SCART1: variants seen among roughly 807,000 people sequenced by gnomAD.
SCART1 encodes scavenger receptor family member expressed on T cells 1, also known as scavenger receptor cysteine-rich domain-containing protein SCART1.
A neutral mutation model predicts 36.2 loss-of-function variants in SCART1; 62 were observed. The ratio of observed to expected loss-of-function variants is 1.71; its 90% confidence interval spans 1.40 to 2.12. The LOEUF (loss-of-function observed/expected upper bound fraction) is 2.12. Among genes scored for constraint, SCART1 ranks in the 30% most tolerant of loss-of-function variants. The pLI, the probability that SCART1 is intolerant of heterozygous loss-of-function variation, is 0.00. For synonymous variants in SCART1, 487 were observed against 238.7 expected, an observed-to-expected ratio of 2.04 and a Z score of -9.59; for missense variants, 1,041 against 540.5, an observed-to-expected ratio of 1.93 and a Z score of -9.18.
exon 4 of SCART1, chr10:133,458,649 G>A (rs1259262716): frequency 4.3e-6 from 3 of 700,420 alleles, no homozygotes; most frequent in Admixed American, 4.0e-5. Context: ...CGGGGCTCAG[G>A]TGCTCAGGTG....
intron 6 of SCART1, among the ~76,000 whole-genome samples, chr10:133,460,605 C>T (rs549191688): frequency 1.3e-4 from 19 of 150,528 alleles, no homozygotes; most frequent in East Asian, 7.9e-4. Flanking sequence ...GCCCCATCAC[C>T]GGTCACCGCA....
At chr10:133,455,833 T>A (rs1035706326) in intron 1 of SCART1, among the ~76,000 whole-genome samples, 1 of 150,994 alleles carries the variant, frequency 6.6e-6, no homozygotes, top group African/African-American at 2.4e-5. Flanking sequence ...CTCCAAGGGG[T>A]GTGGACAGTC....
exon 5 of SCART1, chr10:133,459,261 G>A: frequency 1.5e-6 from 1 of 675,294 alleles, no homozygotes; most frequent in Non-Finnish European, 2.7e-6. Flanking sequence ...TTGTGGAATT[G>A]CCCAGTAAGC....
At chr10:133,456,976 G>C (rs1850624322) in intron 2 of SCART1, 1 of 520,112 alleles carries the variant, frequency 1.9e-6, no homozygotes, top group Admixed American at 3.8e-5. Context: ...TTATGTGGCT[G>C]TGAGGACCCC....
exon 2 of SCART1, chr10:133,456,391 C>G: frequency 1.4e-6 from 1 of 702,890 alleles, no homozygotes; most frequent in East Asian, 2.7e-5. Flanking sequence ...GCGGCCCTGC[C>G]GTGGGCGCCC....
At chr10:133,459,571 G>A in exon 6 of SCART1, 1 of 679,100 alleles carries the variant, frequency 1.5e-6, no homozygotes, top group Non-Finnish European at 2.7e-6. Context: ...GTGTGGGGCC[G>A]CGTCCTGGAC....
At chr10:133,458,433 C>T (rs563985839) in exon 4 of SCART1, 7 of 700,670 alleles carry the variant, frequency 1.0e-5, no homozygotes, top group South Asian at 4.4e-5. Flanking sequence ...GGGGCACCGT[C>T]TGTGATGCGG....
At chr10:133,456,870 A>T (rs962025753) in intron 2 of SCART1, among the ~76,000 whole-genome samples, 1 of 152,176 alleles carries the variant, frequency 6.6e-6, no homozygotes, top group Non-Finnish European at 1.5e-5. Context: ...TGAGGCCCAC[A>T]CAGGTAGCTG....
chr10:133,455,860 T>C (rs1589933055), intron 1 of SCART1, among the ~76,000 whole-genome samples: 2 of 151,536 alleles, frequency 1.3e-5, no homozygotes, highest in Admixed American at 1.3e-4. Context: ...GTGGGGCAGG[T>C]GTGACAGTGG....
intron 3 of SCART1, 78 bp downstream of exon 3, chr10:133,457,653 G>A (rs61668064): frequency 1.3e-5 from 8 of 599,280 alleles, no homozygotes; most frequent in Admixed American, 3.2e-5. Flanking sequence ...GGGAGAAGGG[G>A]GGTGGGCGTT....
At chr10:133,468,021 T>C in exon 12 of SCART1, 1 of 644,650 alleles carries the variant, frequency 1.6e-6, no homozygotes, top group South Asian at 1.7e-5. Flanking sequence ...CAGCTCTTCA[T>C]TTTCTTGTAC....
At chr10:133,469,713 G>A (rs1423975326), downstream of SCART1, among the ~76,000 whole-genome samples, 2 of 152,050 alleles carry the variant, frequency 1.3e-5, no homozygotes, top group Non-Finnish European at 2.9e-5. Context: ...TGCACATTCT[G>A]CACAGGTACC....
chr10:133,468,047 C>T (rs1456494789), exon 12 of SCART1: 18 of 606,098 alleles, frequency 3.0e-5, no homozygotes, highest in South Asian at 1.7e-4. Context: ...TAGTGGATTT[C>T]GTGAGAACAC....
rs781389297 is a variant in SCART1 at position 133,454,131 on chromosome 10, C to A, written c.67+67C>A. 8 of 701,386 alleles carry A rather than the reference C, an allele frequency of 1.1e-5. No homozygotes were observed. In the East Asian group the frequency reaches 1.9e-4, roughly 16 times the overall value. 43.4% of individuals were successfully genotyped at this position (701,386 alleles called of 1,614,324 possible). On this transcript the variant is annotated intron_variant, in intron 1 of 11. Coordinates refer to ENST00000640237, the Ensembl canonical transcript of SCART1. ...ATCAGCTCTGTTGATGCCCAGGCCC[C>A]GGGGCATGAGGGTCCCTGCAGTGAC...
intron 6 of SCART1, among the ~76,000 whole-genome samples, chr10:133,461,674 C>T (rs1222237013): frequency 6.6e-6 from 1 of 152,138 alleles, no homozygotes; most frequent in Non-Finnish European, 1.5e-5. Flanking sequence ...CGTCCATCAT[C>T]TCATTTTTGT....
intron 9 of SCART1, 108 bp from the exon 10 acceptor site, chr10:133,466,127 C>A: frequency 3.2e-6 from 2 of 634,682 alleles, no homozygotes. Flanking sequence ...ACTCGCAGGT[C>A]CTCCATGAGG....
chr10:133,462,450 T>A (rs1473436739), intron 6 of SCART1, among the ~76,000 whole-genome samples: 1 of 152,210 alleles, frequency 6.6e-6, no homozygotes, highest in East Asian at 1.9e-4. Context: ...GTATGTTACA[T>A]GTTATTAAAA....
chr10:133,456,668 G>A lies in SCART1; in HGVS notation c.385+114G>A, dbSNP rs905591875. ...TGGGAGGATGGCGGGTCTCGGAGAC[G>A]GGCGGGGAGGCTGTGGGTCTGGAGC... On this transcript the variant is annotated intron_variant, in intron 2 of 11. Coordinates refer to ENST00000640237, the Ensembl canonical transcript of SCART1. The A allele has an allele frequency of 5.7e-5, 34 of 591,454 alleles. 1 individual carries two copies. Among genetic ancestry groups the A allele is most frequent in the African/African-American group, 1.1e-4 (6 of 52,622 alleles). 36.6% of individuals were successfully genotyped at this position (591,454 alleles called of 1,614,324 possible).
At chr10:133,457,040 T>G in intron 2 of SCART1, 2 of 553,506 alleles carry the variant, frequency 3.6e-6, no homozygotes, top group Non-Finnish European at 6.3e-6. Context: ...CTCCTACCAT[T>G]TTGGGGCCCA....
Sources: allele counts gnomAD v4.1 joint callset (sites outside exome capture counted in the v4.1 genomes callset), GRCh38; gene constraint gnomAD v4.1.1; transcripts MANE v1.5; gene names NCBI Gene and HGNC (gene_info 2026-07-23, HGNC 2026-07-21).